Variants in CCDC159 observed in about 807,000 individuals in gnomAD.
CCDC159 encodes the protein coiled-coil domain containing 159, also known as coiled-coil domain-containing protein 159.
CCDC159 carries 40 observed loss-of-function variants against 50.9 expected under a neutral mutation model. The observed-to-expected ratio is 0.79, with a 90% CI of 0.61 to 1.02. The LOEUF (loss-of-function observed/expected upper bound fraction) is 1.02. Among genes scored for constraint, CCDC159 ranks in the 50% least tolerant of loss-of-function variants. CCDC159 has a pLI of 0.00. For synonymous variants in CCDC159, 146 were observed against 138.9 expected (o/e 1.05, Z -0.36); for missense variants, 356 against 371.5 (o/e 0.96, Z 0.34).
Position 11,351,937 on chromosome 19 carries a change from G to A in CCDC159, c.454G>A (p.Val152Met). ...GTTCCTGTGGGAGGAGCTGGAACTGGTGCGGGAGGAGGTGACCTTCATCTA... is the reference window on the plus strand; with the variant it reads ...GTTCCTGTGGGAGGAGCTGGAACTGATGCGGGAGGAGGTGACCTTCATCTA... The part of the protein sequence containing the change: ...KKFLWEELEL[V>M]REEVTFIYQK... Residue 152 changes from valine (V) to methionine (M), a missense_variant, in exon 6 of 11, where the codon GTG becomes ATG. Coordinates refer to ENST00000458408, the MANE Select transcript of CCDC159 (RefSeq NM_001080503.3). The A allele has an allele frequency of 6.2e-7, 1 of 1,604,402 alleles. No individual in the cohort carries two copies. The highest frequency in any genetic ancestry group is 8.5e-7 in the Non-Finnish European group (1 of 1,175,856).
chr19:11,353,840 C>T lies in CCDC159; in HGVS notation c.738C>T (p.Cys246=). ...LQNSIDSLTL[C]SGACPKASSL... ...ACTCCATAGACAGCCTCACTTTGTG[C>T]TCGGGGGCCTGTCCCAAGGCCTCGA... Residue 246 remains cysteine (C), a synonymous_variant, in exon 9 of 11, where the codon TGC becomes TGT. Transcript: ENST00000458408. 2 of 1,593,056 alleles carry T rather than the reference C, an allele frequency of 1.3e-6. No homozygotes were observed. The highest frequency in any genetic ancestry group is 2.3e-5 in the East Asian group (1 of 43,908).
rs534702160 is a variant in CCDC159 at position 11,354,588 on chromosome 19, GGGC to G, written c.782_784del (p.Gly261_His262delinsAsp). The stretch of plus-strand genomic sequence containing the variant: ...ACCTGTCCCTCCTGCAGGCCACAAG[GGGC>G]ACCAGTGCCTGAGCCCTCCACTCCC... On this transcript the variant is annotated inframe_deletion, in exon 10 of 11. Coordinates refer to ENST00000458408, the MANE Select transcript of CCDC159 (RefSeq NM_001080503.3). 4.5e-3 allele frequency: 7,146 copies of G among 1,585,860 alleles called. 36 individuals are homozygous for G. The highest frequency in any genetic ancestry group is 5.5e-3 in the Non-Finnish European group (6,379 of 1,165,472).
rs368324634 is a variant in CCDC159 at position 11,349,293 on chromosome 19, G to T, written c.22-361G>T. 53 of 732,882 alleles carry T rather than the reference G, an allele frequency of 7.2e-5. No homozygotes were observed. The East Asian group carries it at 7.7e-4, about 11-fold the overall frequency. The allele number at this position is 732,882 out of a possible 1,614,324, so 45.4% of individuals were successfully genotyped here. On this transcript the variant is annotated intron_variant, in intron 1 of 10. Coordinates refer to ENST00000458408, the MANE Select transcript of CCDC159 (RefSeq NM_001080503.3). ...GGCTGTAAGGCAGAGAGACTCCCAT[G>T]AATGCACCCACTGTGTTTCTTCAGC...
chr19:11,354,368 C>G (rs369336977), intron 9 of CCDC159, among the ~76,000 whole-genome samples: 1 of 151,916 alleles, frequency 6.6e-6, no homozygotes, highest in Non-Finnish European at 1.5e-5. Context: ...CCAGTCTGGG[C>G]AACAGAGCGA....
chr19:11,354,808 C>T, intron 10 of CCDC159, 65 bp from the exon 11 acceptor site: 1 of 1,612,392 alleles, frequency 6.2e-7, no homozygotes, highest in Non-Finnish European at 8.5e-7. Context: ...GCATGCGGTC[C>T]CTGACCTGCA....
intron 4 of CCDC159, 39 bp from the exon 5 acceptor site, chr19:11,350,769 T>A (rs1358056530): frequency 6.7e-7 from 1 of 1,501,404 alleles, no homozygotes. Context: ...GGGTTCAGGG[T>A]GGGATCAGGG....
intron 7 of CCDC159, 120 bp downstream of exon 7, chr19:11,352,253 G>C (rs759531622): frequency 9.6e-5 from 93 of 966,786 alleles, no homozygotes; most frequent in Non-Finnish European, 1.4e-4. Flanking sequence ...ACTCACTGCT[G>C]TGTGACTGTG....
In CCDC159 at chr19:11,354,906, C is replaced by T. The variant is rs1230185461; in HGVS notation, c.*29C>T. The T allele has an allele frequency of 6.2e-7, 1 of 1,612,484 alleles. No homozygotes were observed. Among genetic ancestry groups the T allele is most frequent in the South Asian group, 1.1e-5 (1 of 91,062 alleles). On this transcript the variant is annotated 3_prime_UTR_variant, in exon 11 of 11. Coordinates refer to ENST00000458408, the MANE Select transcript of CCDC159 (RefSeq NM_001080503.3). ...GCCGGGACTGCTCTCCCTGAAGACC[C>T]CTCCAGAGAGAAAATAAACTAGCCC...
intron 7 of CCDC159, among the ~76,000 whole-genome samples, chr19:11,352,884 T>C (rs1219006720): frequency 6.6e-6 from 1 of 151,924 alleles, no homozygotes; most frequent in South Asian, 2.1e-4. Context: ...TGAGCCCTGA[T>C]AGTACCATTG....
At chr19:11,347,646 G>C (rs1859558708) in intron 1 of CCDC159, among the ~76,000 whole-genome samples, 1 of 152,202 alleles carries the variant, frequency 6.6e-6, no homozygotes, top group Non-Finnish European at 1.5e-5. Context: ...GTTCTGAAGA[G>C]CGTGTAGGAG....
chr19:11,350,784 G>A, intron 4 of CCDC159, 24 bp from the exon 5 acceptor site: 6 of 1,528,120 alleles, frequency 3.9e-6, no homozygotes, highest in Non-Finnish European at 5.3e-6. Flanking sequence ...TCAGGGCTCA[G>A]TCAAGGTCCC....
intron 1 of CCDC159, 84 bp downstream of exon 1, chr19:11,346,711 C>T: frequency 2.1e-6 from 3 of 1,451,342 alleles, no homozygotes; most frequent in Non-Finnish European, 2.8e-6. Context: ...ACCCCGCCCC[C>T]TCCCTAAATA....
chr19:11,346,646 T>C lies in CCDC159; in HGVS notation c.21+19T>C. 6.4e-7 allele frequency: 1 copy of C among 1,550,720 alleles called. No individual in the cohort carries two copies. The highest frequency in any genetic ancestry group is 8.7e-7 in the Non-Finnish European group (1 of 1,146,682). Reference sequence around the variant, plus strand: ...ACAGGTGGTATGTGGTAGGTGGGGTTCTGGAGCCTGGCGGGTGTAGATTTC... The same window carrying C: ...ACAGGTGGTATGTGGTAGGTGGGGTCCTGGAGCCTGGCGGGTGTAGATTTC... On this transcript the variant is annotated intron_variant, in intron 1 of 10. Transcript: ENST00000458408.
At chr19:11,347,283 A>T (rs183583374) in intron 1 of CCDC159, among the ~76,000 whole-genome samples, 36 of 152,266 alleles carry the variant, frequency 2.4e-4, no homozygotes, top group Non-Finnish European at 4.9e-4. Flanking sequence ...TAGGAGCCTA[A>T]AAAAGGATTA....
rs1351178532 is a variant in CCDC159 at position 11,350,827 on chromosome 19, C to T, written c.246C>T (p.Gly82=). ...CTGCAGAGGTGCTGAGCCCCACAGGCCGCCAGGGAGAGAAGGAGGAGCACA... is the reference window on the plus strand; with the variant it reads ...CTGCAGAGGTGCTGAGCCCCACAGGTCGCCAGGGAGAGAAGGAGGAGCACA... ...QQLEEVLSPT[G]RQGEKEEHKW... Residue 82 remains glycine (G), a synonymous_variant, in exon 5 of 11, where the codon GGC becomes GGT. Transcript: ENST00000458408. 3.2e-6 allele frequency: 5 copies of T among 1,549,200 alleles called. No individual in the cohort carries two copies. In the South Asian group the frequency reaches 3.6e-5, roughly 11 times the overall value.
At chr19:11,350,721 G>T in intron 4 of CCDC159, 87 bp from the exon 5 acceptor site, 2 of 1,321,080 alleles carry the variant, frequency 1.5e-6, no homozygotes, top group Non-Finnish European at 1.0e-6. Context: ...GAGGGAAATT[G>T]GGAGAGTCTG....
intron 1 of CCDC159, 88 bp downstream of exon 1, chr19:11,346,715 C>T (rs1369932499): frequency 7.0e-7 from 1 of 1,427,260 alleles, no homozygotes; most frequent in African/African-American, 1.4e-5. Flanking sequence ...CGCCCCCTCC[C>T]TAAATAATTC....
chr19:11,350,274 G>A lies in CCDC159; in HGVS notation c.226+75G>A, dbSNP rs926126121. 4.6e-6 allele frequency: 6 copies of A among 1,315,470 alleles called. No homozygotes were observed. The African/African-American group carries it at 7.3e-5, about 16-fold the overall frequency. 81.5% of individuals were successfully genotyped at this position (1,315,470 alleles called of 1,614,324 possible). A position where few individuals can be genotyped will look rare whatever the true frequency, so the allele number is the denominator to read the frequency against. ...CACGCCTGTAATCCCAGCATTTGGG[G>A]AGGCCAAAGAGGTTGGATCACTTGA... On this transcript the variant is annotated intron_variant, in intron 4 of 10. Transcript: ENST00000458408.
At chr19:11,349,131 C>A in intron 1 of CCDC159, 1 of 1,351,806 alleles carries the variant, frequency 7.4e-7, no homozygotes, top group Non-Finnish European at 9.8e-7. Context: ...TCCCCCAGTC[C>A]AGACCTGCAG....
Sources: gnomAD v4.1 joint callset for allele counts (sites outside exome capture counted in the v4.1 genomes callset) on GRCh38, gnomAD v4.1.1 for gene constraint, MANE v1.5 for transcripts, NCBI Gene and HGNC (gene_info 2026-07-23, HGNC 2026-07-21) for gene names.